The following CTNND1 variants were observed in gnomAD, a reference collection of about 807,000 sequenced individuals.
The protein encoded by CTNND1 is catenin delta 1.
A neutral mutation model predicts 112.1 loss-of-function variants in CTNND1; 16 were observed. The ratio of observed to expected loss-of-function variants is 0.14; its 90% CI spans 0.10 to 0.22. The LOEUF is 0.22. Among genes scored for constraint, CTNND1 ranks in the 10% least tolerant of loss-of-function variants. The probability of loss-of-function intolerance (pLI) is 1.00; values close to 1 mark genes in which losing one functional copy is unlikely to be tolerated. For missense variants in CTNND1, 1,008 were observed against 1,257.0 expected (o/e 0.80, Z 3.00); for synonymous variants, 420 against 446.5 (o/e 0.94, Z 0.75).
chr11:57,811,360 A>G, intron 16 of CTNND1, 39 bp from the exon 17 acceptor site: 1 of 1,505,252 alleles, frequency 6.6e-7, no homozygotes, highest in Non-Finnish European at 9.2e-7. Context: ...GGGTGAATTC[A>G]GTATTCTGTC....
chr11:57,773,137 A>G (rs757575111), intron 1 of CTNND1, among the ~76,000 whole-genome samples: 3 of 152,192 alleles, frequency 2.0e-5, no homozygotes, highest in Non-Finnish European at 2.9e-5. Flanking sequence ...TTCATCATAT[A>G]TAGATGGTGT....
At chr11:57,765,460 A>AT (rs5792061) in intron 1 of CTNND1, among the ~76,000 whole-genome samples, 22,063 of 105,582 alleles carry the variant, frequency 0.21, 3,059 homozygotes, top group East Asian at 0.73. Flanking sequence ...TCCTCCCTTA[A>AT]TTTTTTTTTT....
intron 5 of CTNND1, 39 bp from the exon 6 acceptor site, chr11:57,796,418 C>G: frequency 1.3e-6 from 2 of 1,523,496 alleles, no homozygotes; most frequent in Non-Finnish European, 1.8e-6. Flanking sequence ...TTGCTCACTT[C>G]CTTAATTAGT....
Position 57,816,385 on chromosome 11 carries a change from T to C in CTNND1, c.*77T>C. 1 of 1,584,756 alleles carries C rather than the reference T, an allele frequency of 6.3e-7. No individual in the cohort carries two copies. Among genetic ancestry groups the C allele is most frequent in the Non-Finnish European group, 8.7e-7 (1 of 1,155,362 alleles). On this transcript the variant is annotated 3_prime_UTR_variant, in exon 21 of 21. Transcript: ENST00000399050. ...GTGAAATTGACTGATGATTTTCCTT[T>C]TTCTTCGCTGGACTATTGTGCCAAC... is the stretch of plus-strand genomic sequence containing the variant.
At chr11:57,792,548 A>G (rs1019412006) in intron 3 of CTNND1, among the ~76,000 whole-genome samples, 1 of 152,154 alleles carries the variant, frequency 6.6e-6, no homozygotes, top group African/African-American at 2.4e-5. Flanking sequence ...AGTCCTTTTC[A>G]TTGAGTAATT....
intron 6 of CTNND1, among the ~76,000 whole-genome samples, chr11:57,799,460 T>C (rs1291824166): frequency 6.6e-6 from 1 of 152,202 alleles, no homozygotes; most frequent in African/African-American, 2.4e-5. Flanking sequence ...CCTGCTTGAC[T>C]AGCAAGCATA....
intron 15 of CTNND1, 127 bp downstream of exon 15, chr11:57,809,593 A>G: frequency 1.3e-6 from 1 of 768,846 alleles, no homozygotes. Flanking sequence ...CTATTGCTCT[A>G]TTATCTGTCT....
Position 57,788,647 on chromosome 11 carries a change from T to C in CTNND1, c.-213-390T>C, listed in dbSNP as rs1023118227. Among the ~76,000 whole-genome samples the C allele has an allele frequency of 6.8e-6, 1 of 148,126 alleles. No homozygotes were observed. Among genetic ancestry groups the C allele is most frequent in the East Asian group, 2.1e-4 (1 of 4,736 alleles). On this transcript the variant is annotated intron_variant, in intron 1 of 20. Coordinates refer to ENST00000399050, the MANE Select transcript of CTNND1 (RefSeq NM_001085458.2). The surrounding 1 kb of genome is among the most constrained non-coding windows in gnomAD (Gnocchi z 4.1). ...AATGTCTTTGTGGGCATGCTGGGACTGGGCTTTGAGGTTTCTGCCTTAGGG... is the reference window on the plus strand; with the variant it reads ...AATGTCTTTGTGGGCATGCTGGGACCGGGCTTTGAGGTTTCTGCCTTAGGG...
At chr11:57,795,929 G>T (rs981640392) in intron 5 of CTNND1, among the ~76,000 whole-genome samples, 200 bp downstream of exon 5, 3 of 152,154 alleles carry the variant, frequency 2.0e-5, no homozygotes, top group South Asian at 2.1e-4. Context: ...GTATATCAGG[G>T]TCTATAGTAG....
Position 57,808,192 on chromosome 11 carries a change from T to G in CTNND1, c.1991T>G (p.Val664Gly). The change falls in exon 13 of 21, where the codon GTG becomes GGG. Residue 664 changes from valine (V) to glycine (G), a missense_variant. Around this residue, in one of 5 missense-constraint regions of CTNND1, gnomAD observed 254 missense variants for 279.5 expected, o/e 0.91. Coordinates refer to ENST00000399050, the MANE Select transcript of CTNND1 (RefSeq NM_001085458.2). ...TATGAGCTCTTATTTCAGCCAGAGG[T>G]GGTTCGGATATACATCTCACTTCTT... Reference protein sequence around the residue: ...RGYELLFQPEVVRIYISLLKE... With the variant: ...RGYELLFQPEGVRIYISLLKE... 8 of 1,613,460 alleles carry G rather than the reference T, an allele frequency of 5.0e-6. No homozygotes were observed. Among genetic ancestry groups the G allele is most frequent in the Non-Finnish European group, 6.8e-6 (8 of 1,179,502 alleles).
intron 2 of CTNND1, among the ~76,000 whole-genome samples, chr11:57,790,196 C>T (rs12274865): frequency 0.4 from 60,027 of 151,582 alleles, 12,320 homozygotes; most frequent in Middle Eastern, 0.48. Context: ...ATTCTCATGC[C>T]TCGGCTGGGA....
rs764170671 is a variant in CTNND1, at chr11:57,809,419, T to G, written c.2388T>G (p.Leu796=). 1.5e-5 allele frequency: 24 copies of G among 1,613,754 alleles called. No individual in the cohort carries two copies. Among genetic ancestry groups the G allele is most frequent in the Non-Finnish European group, 1.9e-5 (22 of 1,179,792 alleles). Residue 796 remains leucine, a synonymous_variant, in exon 15 of 21, where the codon CTT becomes CTG. Transcript: ENST00000399050. The stretch of plus-strand genomic sequence containing the variant: ...AGAACTTGGAGGCTGCCAAAAAGCT[T>G]CGAGAGACACAGGGTATTGAGAAGC... The part of the protein sequence containing the change: ...IAENLEAAKK[L]RETQGIEKLV...
intron 1 of CTNND1, among the ~76,000 whole-genome samples, chr11:57,762,688 A>G (rs902458747): frequency 3.3e-5 from 5 of 152,058 alleles, no homozygotes; most frequent in African/African-American, 1.2e-4. Flanking sequence ...TGGGAGCCTC[A>G]TTCTCCTGCT....
chr11:57,805,179 G>A (rs922080338), intron 9 of CTNND1, among the ~76,000 whole-genome samples: 3 of 152,200 alleles, frequency 2.0e-5, no homozygotes, highest in African/African-American at 4.8e-5. Flanking sequence ...GATTACAGGC[G>A]TGAGCCACTG....
Position 57,794,039 on chromosome 11 carries a change from T to C in CTNND1, c.225T>C (p.Leu75=), listed in dbSNP as rs565495946. The change falls in exon 4 of 21, where the codon CTT becomes CTC. Residue 75 remains leucine (L), a synonymous_variant. Coordinates refer to ENST00000399050, the MANE Select transcript of CTNND1 (RefSeq NM_001085458.2). ...GCCGGTTTGTGGGCGATGCTGACCT[T>C]GAAAGACAGAAATTTTCAGATTTGA... The part of the protein sequence containing the change: ...QNGRFVGDAD[L]ERQKFSDLKL... 6.2e-7 allele frequency: 1 copy of C among 1,614,006 alleles called. No homozygotes were observed. The highest frequency in any genetic ancestry group is 1.7e-5 in the Admixed American group (1 of 60,020).
intron 7 of CTNND1, among the ~76,000 whole-genome samples, chr11:57,802,774 AT>A (rs1181728388): frequency 3.3e-5 from 5 of 152,222 alleles, no homozygotes; most frequent in Non-Finnish European, 7.3e-5. Context: ...ATAAAACAAA[AT>A]TTTGTGGAGC....
intron 20 of CTNND1, 97 bp downstream of exon 20, chr11:57,816,098 T>A: frequency 8.2e-7 from 1 of 1,225,844 alleles, no homozygotes; most frequent in Non-Finnish European, 1.1e-6. Flanking sequence ...GGCCAGAGAC[T>A]AAGTAGTCTC....
Position 57,791,534 on chromosome 11 carries a change from A to C in CTNND1, c.56A>C (p.Gln19Pro). The C allele has an allele frequency of 6.2e-7, 1 of 1,607,546 alleles. No homozygotes were observed. The change falls in exon 3 of 21, where the codon CAA becomes CCA. Residue 19 changes from glutamine to proline, a missense_variant. By Grantham distance (76) the Gln-to-Pro change is moderately conservative. Transcript: ENST00000399050. ...TASILASVKEQEAQFEKLTRA... is the reference protein window; with the variant it reads ...TASILASVKEPEAQFEKLTRA... ...AGCATCTTGGCCTCTGTGAAGGAAC[A>C]AGAGGCCCAGTTTGAGAAGCTGACC... is the stretch of plus-strand genomic sequence containing the variant.
At chr11:57,807,904 G>A (rs893728895) in intron 12 of CTNND1, among the ~76,000 whole-genome samples, 2 of 152,182 alleles carry the variant, frequency 1.3e-5, no homozygotes, top group African/African-American at 4.8e-5. Flanking sequence ...AGCTATGGGA[G>A]AGGAGGCAAG....
Sources: allele counts gnomAD v4.1 joint callset (sites outside exome capture counted in the v4.1 genomes callset), GRCh38; gene constraint gnomAD v4.1.1; regional missense constraint gnomAD v4.1.1; non-coding constraint Gnocchi (gnomAD v3.1); transcripts MANE v1.5; gene names NCBI Gene and HGNC (gene_info 2026-07-23, HGNC 2026-07-21).